Variants in BLZF1 observed in about 807,000 individuals in gnomAD.
BLZF1 encodes the protein golgin-45.
BLZF1 carries 39 observed loss-of-function variants against 43.8 expected under a neutral mutation model. The ratio of observed to expected loss-of-function variants is 0.89; its 90% CI spans 0.69 to 1.16. The LOEUF (loss-of-function observed/expected upper bound fraction) is 1.16, where lower values mean the gene tolerates loss of function less well. Ranked by LOEUF, BLZF1 falls within the 50% of genes most tolerant of loss-of-function variation. BLZF1 has a pLI of 0.00. For missense variants in BLZF1, 449 were observed against 469.8 expected, an observed-to-expected ratio of 0.96 and a Z score of 0.41; for synonymous variants, 136 against 159.4, an observed-to-expected ratio of 0.85 and a Z score of 1.11.
intron 7 of BLZF1, chr1:169,394,989 A>C: frequency 6.9e-7 from 1 of 1,459,462 alleles, no homozygotes; most frequent in East Asian, 2.3e-5. Context: ...ACAGACCCTA[A>C]GAAATCATAT....
rs985183513 is a variant in BLZF1 at position 169,369,563 on chromosome 1, T to G, written c.28+13T>G. On this transcript the variant is annotated intron_variant, in intron 2 of 6. Coordinates refer to ENST00000367808, the MANE Select transcript of BLZF1 (RefSeq NM_001320973.2). ...TTAGAAACCAAAGGTAAGTGGCTTTTTTATAATTGTTTTTAAAACATGACA... is the reference window on the plus strand; with the variant it reads ...TTAGAAACCAAAGGTAAGTGGCTTTGTTATAATTGTTTTTAAAACATGACA... 2 of 1,584,620 alleles carry G rather than the reference T, an allele frequency of 1.3e-6. No homozygotes were observed. The highest frequency in any genetic ancestry group is 1.7e-6 in the Non-Finnish European group (2 of 1,155,328).
At chr1:169,385,273 AG>A (rs1161012003) in intron 6 of BLZF1, among the ~76,000 whole-genome samples, 1 of 152,090 alleles carries the variant, frequency 6.6e-6, no homozygotes, top group Non-Finnish European at 1.5e-5. Context: ...CTTCTTCCTT[AG>A]TGTCTCTTAA....
At chr1:169,380,677 T>G (rs1269275405) in intron 5 of BLZF1, 68 bp downstream of exon 5, 25 of 1,570,682 alleles carry the variant, frequency 1.6e-5, no homozygotes, top group Non-Finnish European at 2.1e-5. Flanking sequence ...GTAGTTTTGG[T>G]TTTTTTGTTT....
downstream of BLZF1, among the ~76,000 whole-genome samples, chr1:169,392,903 C>A (rs1023405576): frequency 2.0e-5 from 3 of 152,104 alleles, no homozygotes; most frequent in African/African-American, 7.2e-5. Context: ...CCATACCTTG[C>A]CCCACGAATC....
At chr1:169,374,451 T>C (rs1211573658) in intron 2 of BLZF1, among the ~76,000 whole-genome samples, 3 of 152,004 alleles carry the variant, frequency 2.0e-5, no homozygotes, top group African/African-American at 4.8e-5. Flanking sequence ...TATTCCTTTG[T>C]TTATCTTTTT....
chr1:169,383,090 T>C (rs554232748), intron 6 of BLZF1, among the ~76,000 whole-genome samples: 19 of 152,328 alleles, frequency 1.2e-4, no homozygotes, highest in African/African-American at 4.3e-4. Context: ...CCGAGTATGC[T>C]GCAAACCCCA....
At chr1:169,374,622 G>A (rs572124810) in intron 2 of BLZF1, among the ~76,000 whole-genome samples, 2 of 152,048 alleles carry the variant, frequency 1.3e-5, no homozygotes, top group East Asian at 1.9e-4. Context: ...AACATAACTC[G>A]AGGTTCCCAG....
In BLZF1 at chr1:169,382,105, C is replaced by T; in HGVS notation, c.841C>T (p.Gln281Ter). The T allele has an allele frequency of 6.2e-7, 1 of 1,613,758 alleles. No homozygotes were observed. The highest frequency in any genetic ancestry group is 8.5e-7 in the Non-Finnish European group (1 of 1,179,730). ...LLVSLQWGRE[Q>*]TYSPSVQPHS... ...AGTTTCCTTGCAATGGGGAAGAGAG[C>T]AAACTTACTCCCCTAGTGTACAACC... Residue 281 changes from glutamine (Q) to a stop codon, truncating the protein, a stop_gained, in exon 6 of 7, where the codon CAA becomes TAA. Coordinates refer to ENST00000367808, the MANE Select transcript of BLZF1 (RefSeq NM_001320973.2). LOFTEE classifies it high-confidence loss of function.
At chr1:169,390,196 CAATAACAAT>C (rs1159398922), downstream of BLZF1, among the ~76,000 whole-genome samples, 6 of 16,648 alleles carry the variant, frequency 3.6e-4, no homozygotes, top group East Asian at 3.1e-3. Context: ...TTAACAGTGT[CAATAACAAT>C]AATAATAAAG....
downstream of BLZF1, among the ~76,000 whole-genome samples, chr1:169,388,471 G>T (rs1174496866): frequency 1.3e-5 from 2 of 152,098 alleles, no homozygotes; most frequent in Non-Finnish European, 2.9e-5. Flanking sequence ...ATTTGGCAAT[G>T]ATTTCTTGAA....
downstream of BLZF1, among the ~76,000 whole-genome samples, chr1:169,389,272 C>A (rs1432912636): frequency 6.6e-6 from 1 of 151,208 alleles, no homozygotes; most frequent in Admixed American, 6.6e-5. Context: ...CCAGCCTGGG[C>A]AACAAGAGTG....
chr1:169,375,152 T>C (rs1417364058), intron 2 of BLZF1, among the ~76,000 whole-genome samples: 1 of 151,460 alleles, frequency 6.6e-6, no homozygotes, highest in Non-Finnish European at 1.5e-5. Flanking sequence ...AGTGAAAAAT[T>C]GTAAAGAGTC....
intron 1 of BLZF1, among the ~76,000 whole-genome samples, chr1:169,369,243 G>T (rs1412718798): frequency 6.6e-6 from 1 of 151,312 alleles, no homozygotes; most frequent in African/African-American, 2.4e-5. Context: ...GTATTGGTGA[G>T]GATGGTGAAA....
downstream of BLZF1, among the ~76,000 whole-genome samples, chr1:169,392,512 AG>A (rs1454334442): frequency 6.6e-6 from 1 of 152,244 alleles, no homozygotes; most frequent in Non-Finnish European, 1.5e-5. Context: ...GCAAAAAAAA[AG>A]TTGAACCTCT....
chr1:169,382,852 C>T (rs1265645615), intron 6 of BLZF1, among the ~76,000 whole-genome samples: 1 of 152,190 alleles, frequency 6.6e-6, no homozygotes, highest in African/African-American at 2.4e-5. Context: ...AAATCTTCAA[C>T]TCAACATCTC....
At chr1:169,386,489 C>T (rs1654671278) in intron 6 of BLZF1, among the ~76,000 whole-genome samples, 1 of 151,942 alleles carries the variant, frequency 6.6e-6, no homozygotes, top group African/African-American at 2.4e-5. Context: ...ACCATCCTAG[C>T]TAACACAGTG....
intron 4 of BLZF1, 114 bp from the exon 5 acceptor site, chr1:169,380,367 A>G: frequency 1.1e-6 from 1 of 922,404 alleles, no homozygotes; most frequent in Non-Finnish European, 1.5e-6. Context: ...TGAAGTAACT[A>G]TACTGTTAAA....
At chr1:169,372,355 A>T (rs1654151812) in intron 2 of BLZF1, among the ~76,000 whole-genome samples, 1 of 152,114 alleles carries the variant, frequency 6.6e-6, no homozygotes, top group Non-Finnish European at 1.5e-5. Context: ...AAAAAAAATA[A>T]AGCAGTTTTT....
At chr1:169,389,978 A>C (rs750272789), downstream of BLZF1, among the ~76,000 whole-genome samples, 1 of 152,200 alleles carries the variant, frequency 6.6e-6, no homozygotes, top group Non-Finnish European at 1.5e-5. Context: ...TAGTGGGTAT[A>C]GAATTAGAGA....
Sources: gnomAD v4.1 joint callset for allele counts (sites outside exome capture counted in the v4.1 genomes callset) on GRCh38, gnomAD v4.1.1 for gene constraint, MANE v1.5 for transcripts, NCBI Gene and HGNC (gene_info 2026-07-23, HGNC 2026-07-21) for gene names.